The following MYCBP2 variants were observed in gnomAD, a reference collection of about 807,000 sequenced individuals.
MYCBP2 encodes the protein MYC binding protein 2.
Under a neutral mutation model 525.3 loss-of-function variants are expected in MYCBP2, and 120 were observed. That is an observed-to-expected ratio of 0.23 (90% CI 0.20 to 0.27). The LOEUF (loss-of-function observed/expected upper bound fraction) is 0.27. Ranked by LOEUF, MYCBP2 falls within the 10% of genes least tolerant of loss-of-function variation. The pLI is 1.00. For synonymous variants in MYCBP2, 1,894 were observed against 1,955.8 expected, an observed-to-expected ratio of 0.97 and a Z score of 0.83; for missense variants, 4,149 against 5,657.1, an observed-to-expected ratio of 0.73 and a Z score of 8.55.
At chr13:77,185,066 T>A in intron 32 of MYCBP2, 37 bp downstream of exon 32, 1 of 1,583,584 alleles carries the variant, frequency 6.3e-7, no homozygotes, top group Non-Finnish European at 8.6e-7. Flanking sequence ...AAGCAATATA[T>A]CAGATTTTCA....
At chr13:77,221,049 G>A (rs772137534) in intron 20 of MYCBP2, among the ~76,000 whole-genome samples, 14 of 152,122 alleles carry the variant, frequency 9.2e-5, no homozygotes, top group Non-Finnish European at 1.8e-4. Flanking sequence ...TCATATGGTT[G>A]GTAAGAAGTG....
At chr13:77,241,602 A>G (rs1465776634) in intron 17 of MYCBP2, among the ~76,000 whole-genome samples, 2 of 152,210 alleles carry the variant, frequency 1.3e-5, no homozygotes, top group South Asian at 4.1e-4. Context: ...CCATATACTT[A>G]TATAATGTAA....
chr13:77,058,489 A>G lies in MYCBP2; in HGVS notation c.13141-83T>C, dbSNP rs574860311. 8.9e-6 allele frequency: 11 copies of G among 1,241,486 alleles called. 1 individual carries two copies. In the South Asian group the frequency reaches 1.9e-4, roughly 21 times the overall value. 76.9% of individuals were successfully genotyped at this position (1,241,486 alleles called of 1,614,324 possible). A position where few individuals can be genotyped will look rare whatever the true frequency, so the allele number is the denominator to read the frequency against. On this transcript the variant is annotated intron_variant, in intron 77 of 82. Coordinates refer to ENST00000544440, the MANE Select transcript of MYCBP2 (RefSeq NM_015057.5). The surrounding 1 kb of genome is among the most constrained non-coding windows in gnomAD (Gnocchi z 4.1). ...ATTTTCCTTATTATATAAATTTCCA[A>G]AGATTACTTTCCCACAGGAAGTATC...
At chr13:77,303,790 G>A (rs772386643) in intron 1 of MYCBP2, among the ~76,000 whole-genome samples, 2 of 146,560 alleles carry the variant, frequency 1.4e-5, no homozygotes, top group Admixed American at 6.7e-5. Flanking sequence ...AACACTGAAA[G>A]TAAATTATCT....
At chr13:77,140,185 AGTGAG>A (rs781332372) in intron 50 of MYCBP2, 22 bp from the exon 51 acceptor site, 1 of 1,475,872 alleles carries the variant, frequency 6.8e-7, no homozygotes, top group African/African-American at 1.4e-5. Context: ...AAAGATAAAC[AGTGAG>A]GTAGGAAGAA....
At position 77,234,426 on chromosome 13, in the gene MYCBP2, T is replaced by C. The variant is rs557080706; in HGVS notation, c.2630-1163A>G. 3.3e-5 allele frequency among the ~76,000 whole-genome samples: 5 copies of C among 152,082 alleles called. No homozygotes were observed. The East Asian group carries it at 7.7e-4, about 23-fold the overall frequency. Reference sequence around the variant, plus strand: ...CCTACTGCCCTCTAATAAAATTTCATAAATGTCAAATTAAATATCAAAGTA... The same window carrying C: ...CCTACTGCCCTCTAATAAAATTTCACAAATGTCAAATTAAATATCAAAGTA... On this transcript the variant is annotated intron_variant, in intron 17 of 82. Transcript: ENST00000544440.
At chr13:77,133,770 T>C (rs948099749) in intron 52 of MYCBP2, among the ~76,000 whole-genome samples, 1 of 152,220 alleles carries the variant, frequency 6.6e-6, no homozygotes, top group African/African-American at 2.4e-5. Context: ...TGATTCTCTG[T>C]CTAGAAATTC....
Position 77,098,350 on chromosome 13 carries a change from A to G in MYCBP2, c.8804T>C (p.Val2935Ala), listed in dbSNP as rs2046544860. The G allele has an allele frequency of 3.1e-6, 5 of 1,612,400 alleles. No homozygotes were observed. The highest frequency in any genetic ancestry group is 1.7e-5 in the Admixed American group (1 of 59,926). The part of the protein sequence containing the change: ...QENLHSEVVE[V>A]CTSSTLKTNS... ...TGTTTTTAAAGTACTTGAGGTGCAG[A>G]CTTCGACCACCTCACTGTGGAGGTT... The change falls in exon 56 of 83, where the codon GTC (valine) becomes GCC (alanine). Residue 2935 changes from valine to alanine, a missense_variant. Val to Ala is a moderately conservative substitution (Grantham distance 64). Around this residue, in one of 21 missense-constraint regions of MYCBP2, gnomAD observed 653 missense variants for 744.7 expected, o/e 0.88. Transcript: ENST00000544440.
intron 82 of MYCBP2, among the ~76,000 whole-genome samples, chr13:77,049,778 G>C (rs531794839): frequency 5.1e-4 from 77 of 152,218 alleles, no homozygotes; most frequent in African/African-American, 1.9e-3. Flanking sequence ...TCGGATTACA[G>C]GTACCCGCCA....
At chr13:77,176,361 T>C in intron 36 of MYCBP2, 136 bp downstream of exon 36, 1 of 615,820 alleles carries the variant, frequency 1.6e-6, no homozygotes, top group African/African-American at 1.9e-5. Context: ...AGGTACTCCA[T>C]AAATATTTAA....
In MYCBP2 at chr13:77,260,450, A is replaced by G; in HGVS notation, c.1995T>C (p.Asp665=). The G allele has an allele frequency of 6.3e-7, 1 of 1,596,294 alleles. No homozygotes were observed. The highest frequency in any genetic ancestry group is 2.3e-5 in the East Asian group (1 of 44,204). The change falls in exon 13 of 83, where the codon GAT becomes GAC. Residue 665 remains aspartate (D), a synonymous_variant. Transcript: ENST00000544440. ...TACTTGAACTATCAGAGTAAATGGC[A>G]TCTTTTCCAAACATGTAGAGTTCTC... The part of the protein sequence containing the change: ...KDGELYMFGK[D]AIYSDSSSLV...
At chr13:77,214,704 T>TA (rs1364161897) in intron 21 of MYCBP2, among the ~76,000 whole-genome samples, 1 of 152,088 alleles carries the variant, frequency 6.6e-6, no homozygotes, top group Non-Finnish European at 1.5e-5. Flanking sequence ...ACGGTATATC[T>TA]ACTACATACT....
chr13:77,304,557 AAAC>A (rs1182589569), intron 1 of MYCBP2, among the ~76,000 whole-genome samples: 5 of 152,170 alleles, frequency 3.3e-5, no homozygotes, highest in Admixed American at 3.3e-4. Flanking sequence ...TGACTATCAT[AAAC>A]AACAATGTAT....
intron 43 of MYCBP2, among the ~76,000 whole-genome samples, chr13:77,163,212 A>G (rs1375412826): frequency 6.6e-6 from 1 of 152,222 alleles, no homozygotes; most frequent in Non-Finnish European, 1.5e-5. Flanking sequence ...TATTTGTGCA[A>G]GTATGTATAA....
Position 77,166,422 on chromosome 13 carries a change from A to G in MYCBP2, c.6247T>C (p.Leu2083=), listed in dbSNP as rs2058522954. The G allele has an allele frequency of 6.2e-7, 1 of 1,613,904 alleles. No individual in the cohort carries two copies. The highest frequency in any genetic ancestry group is 1.3e-5 in the African/African-American group (1 of 74,916). Residue 2083 remains leucine (L), a synonymous_variant, in exon 41 of 83, where the codon TTG becomes CTG. Coordinates refer to ENST00000544440, the MANE Select transcript of MYCBP2 (RefSeq NM_015057.5). Reference sequence around the variant, plus strand: ...TTAAGATTTTCATGAACAGATGTCAATTTTGGTCCATATCCTGAATTCTGA... The same window carrying G: ...TTAAGATTTTCATGAACAGATGTCAGTTTTGGTCCATATCCTGAATTCTGA... ...TVQNSGYGPK[L]TSVHENLNSW... is the part of the protein sequence containing the mutation.
chr13:77,314,436 G>C (rs1315052404), intron 1 of MYCBP2, among the ~76,000 whole-genome samples: 2 of 152,132 alleles, frequency 1.3e-5, no homozygotes, highest in African/African-American at 4.8e-5. Context: ...TTATTCAGTG[G>C]TAAGAAATGA....
intron 44 of MYCBP2, among the ~76,000 whole-genome samples, chr13:77,159,371 T>A (rs1454934364): frequency 2.6e-5 from 4 of 152,146 alleles, no homozygotes; most frequent in Non-Finnish European, 4.4e-5. Flanking sequence ...AAAGAGGCAA[T>A]TTGGGACACC....
intron 38 of MYCBP2, among the ~76,000 whole-genome samples, chr13:77,170,736 C>T (rs568764388): frequency 1.1e-4 from 16 of 152,096 alleles, no homozygotes; most frequent in African/African-American, 3.4e-4. Context: ...GCCACCACGC[C>T]TGGCTAATTT....
At chr13:77,243,218 G>C (rs947426735) in intron 16 of MYCBP2, 58 bp from the exon 17 acceptor site, 4 of 1,239,262 alleles carry the variant, frequency 3.2e-6, no homozygotes, top group Non-Finnish European at 4.8e-6. Context: ...TAATAGCTAT[G>C]ACAGAACTAC....
Sources: gnomAD v4.1 joint callset for allele counts (sites outside exome capture counted in the v4.1 genomes callset) on GRCh38, gnomAD v4.1.1 for gene constraint, gnomAD v4.1.1 regional missense constraint, Gnocchi (gnomAD v3.1) non-coding constraint, MANE v1.5 for transcripts, NCBI Gene and HGNC (gene_info 2026-07-23, HGNC 2026-07-21) for gene names.